ELF2: variants seen among roughly 807,000 people sequenced by gnomAD.
ELF2 encodes ETS-related transcription factor Elf-2.
Under a neutral mutation model 54.8 loss-of-function variants are expected in ELF2, and 11 were observed. The observed-to-expected ratio is 0.20, with a 90% CI of 0.13 to 0.33. ELF2 has a LOEUF of 0.33. Ranked by LOEUF, ELF2 falls within the 10% of genes least tolerant of loss-of-function variation. The pLI is 1.00. For synonymous variants in ELF2, 203 were observed against 245.1 expected (o/e 0.83, Z 1.61); for missense variants, 513 against 703.0 (o/e 0.73, Z 3.06).
At position 139,062,193 on chromosome 4, in the gene ELF2, C is replaced by T. The variant is rs112712629; in HGVS notation, c.614-136G>A. ...TTTCTACTTTTTTTTTTTTTGGAGA[C>T]GGAGTCTTGCTCTGTCGCCCAGGCT... On this transcript the variant is annotated intron_variant, in intron 7 of 9. Coordinates refer to ENST00000686138, the MANE Select transcript of ELF2 (RefSeq NM_001331036.3). 1,816 of 850,090 alleles carry T rather than the reference C, an allele frequency of 2.1e-3. 27 individuals carry two copies. The African/African-American group carries it at 0.028, about 13-fold the overall frequency. The allele number at this position is 850,090 out of a possible 1,614,324, so 52.7% of individuals were successfully genotyped here. A position where few individuals can be genotyped will look rare whatever the true frequency, so the allele number is the denominator to read the frequency against.
At chr4:139,061,437 A>G (rs1209974118) in intron 8 of ELF2, among the ~76,000 whole-genome samples, 1 of 152,188 alleles carries the variant, frequency 6.6e-6, no homozygotes, top group Non-Finnish European at 1.5e-5. Context: ...AGCCTCCCAC[A>G]GTTCTGGCAT....
At chr4:139,157,093 A>G (rs1054024111) in intron 1 of ELF2, among the ~76,000 whole-genome samples, 1 of 152,216 alleles carries the variant, frequency 6.6e-6, no homozygotes, top group South Asian at 2.1e-4. Context: ...TTACACAGAC[A>G]TAGATGGTGT....
At chr4:139,164,669 C>T (rs1445198527) in intron 1 of ELF2, among the ~76,000 whole-genome samples, 1 of 152,088 alleles carries the variant, frequency 6.6e-6, no homozygotes, top group African/African-American at 2.4e-5. Context: ...ATTTTGGTCC[C>T]CTGTGTTAGA....
intron 3 of ELF2, 28 bp downstream of exon 3, chr4:139,137,602 T>C (rs368061614): frequency 2.4e-5 from 39 of 1,604,440 alleles, no homozygotes; most frequent in Non-Finnish European, 3.3e-5. Flanking sequence ...ATGAAGAAAA[T>C]AGAAATGTAA....
chr4:139,162,994 G>A (rs955480099), intron 1 of ELF2, among the ~76,000 whole-genome samples: 10 of 152,072 alleles, frequency 6.6e-5, no homozygotes, highest in African/African-American at 2.2e-4. Context: ...GCTACTCCAG[G>A]GGCTAAGACA....
At chr4:139,096,824 C>G (rs1043569650) in intron 4 of ELF2, among the ~76,000 whole-genome samples, 2 of 151,924 alleles carry the variant, frequency 1.3e-5, no homozygotes, top group Non-Finnish European at 2.9e-5. Flanking sequence ...TCCTTGGCAA[C>G]AGGTTTTTCA....
At chr4:139,098,510 C>A (rs1733526976) in intron 4 of ELF2, among the ~76,000 whole-genome samples, 1 of 151,318 alleles carries the variant, frequency 6.6e-6, no homozygotes, top group Non-Finnish European at 1.5e-5. Flanking sequence ...ACTCTGTCAC[C>A]CAGGCTGGAG....
At chr4:139,175,885 A>C (rs1742857593) in intron 1 of ELF2, among the ~76,000 whole-genome samples, 1 of 152,232 alleles carries the variant, frequency 6.6e-6, no homozygotes, top group Non-Finnish European at 1.5e-5. Flanking sequence ...GCCTCCTAGA[A>C]AGAGTCCATC....
chr4:139,166,676 G>A (rs1265136464), intron 1 of ELF2, among the ~76,000 whole-genome samples: 1 of 152,074 alleles, frequency 6.6e-6, no homozygotes, highest in Admixed American at 6.6e-5. Context: ...AGACCATCCT[G>A]GCTAACATAG....
At chr4:139,145,795 T>C (rs1170657387) in intron 1 of ELF2, among the ~76,000 whole-genome samples, 2 of 152,110 alleles carry the variant, frequency 1.3e-5, no homozygotes, top group African/African-American at 2.4e-5. Flanking sequence ...AACCACATGA[T>C]TGTTTCAATA....
intron 4 of ELF2, among the ~76,000 whole-genome samples, chr4:139,099,877 C>G (rs1733692371): frequency 6.6e-6 from 1 of 152,278 alleles, no homozygotes; most frequent in East Asian, 1.9e-4. Flanking sequence ...TCAGCCAAGG[C>G]CTCTTTCTCT....
At chr4:139,114,519 C>T (rs534601267) in intron 4 of ELF2, among the ~76,000 whole-genome samples, 47 of 140,756 alleles carry the variant, frequency 3.3e-4, no homozygotes, top group African/African-American at 1.1e-3. Flanking sequence ...GCTGAGATCG[C>T]GCCACTGCAC....
chr4:139,063,862 A>C (rs1181047704), intron 7 of ELF2, among the ~76,000 whole-genome samples: 2 of 152,208 alleles, frequency 1.3e-5, no homozygotes, highest in Non-Finnish European at 2.9e-5. Flanking sequence ...AAGTAAAAAA[A>C]AAAAACTTAA....
At chr4:139,123,100 T>C (rs1426491175) in intron 4 of ELF2, among the ~76,000 whole-genome samples, 1 of 151,322 alleles carries the variant, frequency 6.6e-6, no homozygotes, top group East Asian at 2.0e-4. Context: ...AGGAGAATCA[T>C]TTGAACCCGG....
At chr4:139,151,030 A>G (rs1286638786) in intron 1 of ELF2, among the ~76,000 whole-genome samples, 1 of 124,674 alleles carries the variant, frequency 8.0e-6, no homozygotes, top group African/African-American at 3.1e-5. Flanking sequence ...TCTCAAAAAA[A>G]AAAAAGAAAG....
intron 4 of ELF2, among the ~76,000 whole-genome samples, chr4:139,083,181 TGG>T (rs3840276): frequency 1.4e-5 from 2 of 139,288 alleles, no homozygotes; most frequent in African/African-American, 5.3e-5. Context: ...GTGGGAGGTT[TGG>T]GGGGGGGTAG....
In ELF2 at chr4:139,058,753, G is replaced by T. The variant is rs1560742815; in HGVS notation, c.*230C>A. ...TTTCGATCCTTTTTCTTATTGATGG[G>T]TTCAGTTGTTTCCTACTGTAAGAGG... is the stretch of plus-strand genomic sequence containing the variant. On this transcript the variant is annotated 3_prime_UTR_variant, in exon 10 of 10. Transcript: ENST00000686138. 12 of 529,500 alleles carry T rather than the reference G, an allele frequency of 2.3e-5. No individual in the cohort carries two copies. The highest frequency in any genetic ancestry group is 3.8e-5 in the Non-Finnish European group (12 of 311,984). The allele number at this position is 529,500 out of a possible 1,614,324, so 32.8% of individuals were successfully genotyped here.
chr4:139,098,781 C>T (rs1186100901), intron 4 of ELF2, among the ~76,000 whole-genome samples: 1 of 152,134 alleles, frequency 6.6e-6, no homozygotes, highest in Non-Finnish European at 1.5e-5. Context: ...ATTTTTAAAA[C>T]TTAATTTTGG....
At chr4:139,167,695 G>C (rs1741861273) in intron 1 of ELF2, among the ~76,000 whole-genome samples, 1 of 152,118 alleles carries the variant, frequency 6.6e-6, no homozygotes, top group African/African-American at 2.4e-5. Context: ...AACAGAAATT[G>C]CTCTGTTCCT....
Sources: allele counts gnomAD v4.1 joint callset (sites outside exome capture counted in the v4.1 genomes callset), GRCh38; gene constraint gnomAD v4.1.1; transcripts MANE v1.5; gene names NCBI Gene and HGNC (gene_info 2026-07-23, HGNC 2026-07-21).